UQCRC2: variants seen among roughly 807,000 people sequenced by gnomAD.
UQCRC2 encodes ubiquinol-cytochrome c reductase core protein 2.
Under a neutral mutation model 55.6 loss-of-function variants are expected in UQCRC2, and 49 were observed. The observed-to-expected ratio is 0.88, with a 90% CI of 0.70 to 1.12. UQCRC2 has a LOEUF of 1.12. UQCRC2 is among the 50% of genes most tolerant of loss of function. The pLI is 0.00. For missense variants in UQCRC2, 506 were observed against 547.8 expected (o/e 0.92, Z 0.76); for synonymous variants, 193 against 192.0 (o/e 1.01, Z -0.04).
intron 4 of UQCRC2, chr16:21,961,559 T>A (rs916887845): frequency 6.8e-6 from 1 of 147,336 alleles, no homozygotes; most frequent in Non-Finnish European, 1.5e-5. Context: ...CTTGGAAGGG[T>A]ACGAAAAGAT....
chr16:21,980,722 G>A (rs758410338), intron 13 of UQCRC2, 22 bp downstream of exon 13: 15 of 1,611,726 alleles, frequency 9.3e-6, no homozygotes, highest in South Asian at 7.7e-5. Context: ...AAAACTTAAC[G>A]ATTTAACAAC....
At chr16:21,962,995 A>C in intron 6 of UQCRC2, 110 bp downstream of exon 6, 1 of 1,342,240 alleles carries the variant, frequency 7.5e-7, no homozygotes, top group Non-Finnish European at 9.8e-7. Context: ...ATTTTTATTT[A>C]TTTATTGTTT....
chr16:21,970,008 T>C (rs1355098979), intron 8 of UQCRC2, among the ~76,000 whole-genome samples: 3 of 152,080 alleles, frequency 2.0e-5, no homozygotes, highest in African/African-American at 4.8e-5. Context: ...AGCAATAATC[T>C]ACTTTGTCTC....
chr16:21,960,041 G>T (rs1898164322), intron 4 of UQCRC2, among the ~76,000 whole-genome samples: 1 of 152,182 alleles, frequency 6.6e-6, no homozygotes, highest in East Asian at 1.9e-4. Context: ...AATGGTAAAT[G>T]ACCTCATCCT....
chr16:21,960,438 A>G (rs1450737797), intron 4 of UQCRC2, among the ~76,000 whole-genome samples: 1 of 152,204 alleles, frequency 6.6e-6, no homozygotes, highest in Non-Finnish European at 1.5e-5. Flanking sequence ...ACTTAAGGGA[A>G]TACAGTTTGA....
chr16:21,958,659 A>T, intron 4 of UQCRC2, 60 bp downstream of exon 4: 1 of 1,464,070 alleles, frequency 6.8e-7, no homozygotes, highest in Non-Finnish European at 9.5e-7. Context: ...ATTTTAAGGG[A>T]ACTTTTCTCT....
At chr16:21,982,129 C>T (rs572474429) in intron 13 of UQCRC2, among the ~76,000 whole-genome samples, 4 of 152,112 alleles carry the variant, frequency 2.6e-5, no homozygotes, top group South Asian at 2.1e-4. Flanking sequence ...TGTGAATCAA[C>T]GCGCCCAGCC....
rs1898111068 is a variant in UQCRC2, at chr16:21,957,641, C to G, written c.267+75C>G. ...TCCTGTGAAAAAGAAAAACTAAGAT[C>G]AATGTCTTTATATTTTGATTCCTTG... is the stretch of plus-strand genomic sequence containing the variant. On this transcript the variant is annotated intron_variant, in intron 3 of 13. Coordinates refer to ENST00000268379, the MANE Select transcript of UQCRC2 (RefSeq NM_003366.4). The G allele has an allele frequency of 1.2e-5, 18 of 1,547,144 alleles. No individual in the cohort carries two copies. The South Asian group carries it at 2.1e-4, about 18-fold the overall frequency.
intron 11 of UQCRC2, 119 bp from the exon 12 acceptor site, chr16:21,976,048 G>T: frequency 1.5e-6 from 1 of 655,312 alleles, no homozygotes; most frequent in Middle Eastern, 2.5e-4. Flanking sequence ...CATGGACACT[G>T]TGCTGTTTGT....
chr16:21,977,260 G>A (rs1403779403), intron 12 of UQCRC2, among the ~76,000 whole-genome samples: 1 of 152,014 alleles, frequency 6.6e-6, no homozygotes, highest in Non-Finnish European at 1.5e-5. Flanking sequence ...AGGCTGAAGA[G>A]GGGGGATTGC....
At chr16:21,967,148 C>T (rs1294034322) in intron 7 of UQCRC2, among the ~76,000 whole-genome samples, 1 of 151,930 alleles carries the variant, frequency 6.6e-6, no homozygotes, top group African/African-American at 2.4e-5. Flanking sequence ...AAGAAATTGG[C>T]GCTAGAATAC....
intron 12 of UQCRC2, among the ~76,000 whole-genome samples, chr16:21,979,242 C>G (rs537865705): frequency 3.2e-4 from 48 of 152,294 alleles, no homozygotes; most frequent in African/African-American, 1.1e-3. Flanking sequence ...CACACTGTAG[C>G]AGCCAAAAGG....
At chr16:21,977,363 A>G (rs1052895577) in intron 12 of UQCRC2, among the ~76,000 whole-genome samples, 1 of 152,144 alleles carries the variant, frequency 6.6e-6, no homozygotes, top group Non-Finnish European at 1.5e-5. Flanking sequence ...CTTAAAAAAA[A>G]AAAATGTATT....
intron 5 of UQCRC2, 57 bp downstream of exon 5, chr16:21,962,573 C>T (rs117356220): frequency 1.8e-5 from 29 of 1,610,588 alleles, no homozygotes; most frequent in Non-Finnish European, 2.4e-5. Flanking sequence ...AAGCTGCTCA[C>T]TTCTGGTCTT....
chr16:21,973,698 AAAAAC>A (rs1339207942), intron 10 of UQCRC2, among the ~76,000 whole-genome samples, 193 bp from the exon 11 acceptor site: 1 of 152,224 alleles, frequency 6.6e-6, no homozygotes, highest in East Asian at 1.9e-4. Flanking sequence ...ATTTAAATGA[AAAAAC>A]AAAGCCGTGA....
intron 8 of UQCRC2, among the ~76,000 whole-genome samples, chr16:21,969,484 A>G (rs1898406339): frequency 6.6e-6 from 1 of 152,174 alleles, no homozygotes; most frequent in South Asian, 2.1e-4. Context: ...GTGAGCTGAG[A>G]TCGTGCCACT....
chr16:21,972,163 G>C, intron 10 of UQCRC2, 41 bp downstream of exon 10: 1 of 1,574,612 alleles, frequency 6.4e-7, no homozygotes, highest in Middle Eastern at 1.7e-4. Flanking sequence ...TGCTTTCAAA[G>C]GCTCAGTATT....
intron 1 of UQCRC2, among the ~76,000 whole-genome samples, chr16:21,955,894 C>T (rs145596845): frequency 4.6e-5 from 7 of 152,234 alleles, no homozygotes; most frequent in Non-Finnish European, 8.8e-5. Context: ...GGCACAATCT[C>T]GGCTCACTGC....
intron 1 of UQCRC2, among the ~76,000 whole-genome samples, chr16:21,956,202 A>G (rs760626071): frequency 3.3e-5 from 5 of 152,188 alleles, no homozygotes; most frequent in Non-Finnish European, 7.4e-5. Flanking sequence ...TGAACGGATG[A>G]CATTCATTGG....
Sources: allele counts gnomAD v4.1 joint callset (sites outside exome capture counted in the v4.1 genomes callset), GRCh38; gene constraint gnomAD v4.1.1; transcripts MANE v1.5; gene names NCBI Gene and HGNC (gene_info 2026-07-23, HGNC 2026-07-21).